The following HTT variants were observed in gnomAD, a reference collection of about 807,000 sequenced individuals.
HTT encodes the protein huntingtin, also known as huntington disease protein.
A neutral mutation model predicts 362.3 loss-of-function variants in HTT; 104 were observed. The ratio of observed to expected loss-of-function variants is 0.29; its 90% CI spans 0.24 to 0.34. The LOEUF is 0.34. Ranked by LOEUF, HTT falls within the 10% of genes least tolerant of loss-of-function variation. The pLI is 1.00. For synonymous variants in HTT, 1,577 were observed against 1,548.7 expected, an observed-to-expected ratio of 1.02 and a Z score of -0.43; for missense variants, 3,301 against 3,928.6, an observed-to-expected ratio of 0.84 and a Z score of 4.27.
intron 6 of HTT, among the ~76,000 whole-genome samples, chr4:3,111,686 G>A (rs1304883658): frequency 1.3e-5 from 2 of 152,098 alleles, no homozygotes; most frequent in Non-Finnish European, 2.9e-5. Flanking sequence ...TGCATCTCAC[G>A]TCTGTCCTCA....
chr4:3,101,052 T>C (rs1278077733), intron 3 of HTT, among the ~76,000 whole-genome samples: 3 of 152,206 alleles, frequency 2.0e-5, no homozygotes. Flanking sequence ...TTCTTGATAT[T>C]TGATCCTCAG....
intron 1 of HTT, among the ~76,000 whole-genome samples, chr4:3,076,718 A>G (rs1712573075): frequency 6.6e-6 from 1 of 152,202 alleles, no homozygotes; most frequent in African/African-American, 2.4e-5. Context: ...TGCTTCAGAC[A>G]CTTGATCATT....
chr4:3,187,829 T>G lies in HTT; in HGVS notation c.5168T>G (p.Leu1723Arg). Reference sequence around the variant, plus strand: ...AGAGATGGGGACAGTACTTCAACGCTAGAAGAACACAGTGAAGGGAAACAA... The same window carrying G: ...AGAGATGGGGACAGTACTTCAACGCGAGAAGAACACAGTGAAGGGAAACAA... ...RLRDGDSTST[L>R]EEHSEGKQIK... Residue 1723 changes from leucine (L) to arginine (R), a missense_variant, in exon 39 of 67, where the codon CTA becomes CGA. Leu to Arg is a moderately radical substitution (Grantham distance 102, BLOSUM62 -2). Coordinates refer to ENST00000355072, the MANE Select transcript of HTT (RefSeq NM_001388492.1). The G allele has an allele frequency of 6.2e-6, 10 of 1,613,418 alleles. No individual in the cohort carries two copies. Among genetic ancestry groups the G allele is most frequent in the Non-Finnish European group, 8.5e-6 (10 of 1,179,394 alleles).
intron 2 of HTT, among the ~76,000 whole-genome samples, chr4:3,091,040 A>C (rs762927749): frequency 6.6e-6 from 1 of 152,238 alleles, no homozygotes; most frequent in Non-Finnish European, 1.5e-5. Context: ...TGAACCCAGG[A>C]GGTACAGGTT....
chr4:3,197,026 C>T (rs570487429), intron 40 of HTT, among the ~76,000 whole-genome samples: 1 of 152,276 alleles, frequency 6.6e-6, no homozygotes, highest in Admixed American at 6.5e-5. Context: ...GCAGAGGCTG[C>T]CTGTGTTCTT....
intron 10 of HTT, among the ~76,000 whole-genome samples, chr4:3,124,982 C>G (rs1399236463): frequency 6.6e-6 from 1 of 152,124 alleles, no homozygotes; most frequent in Non-Finnish European, 1.5e-5. Flanking sequence ...TAATGTAATT[C>G]TGAAGATGAA....
At chr4:3,212,166 T>C (rs1304602703) in intron 48 of HTT, 24 bp downstream of exon 48, 2 of 1,565,336 alleles carry the variant, frequency 1.3e-6, no homozygotes, top group Non-Finnish European at 1.7e-6. Flanking sequence ...AAATTTATCT[T>C]ATTTTTAAAA....
chr4:3,204,064 G>A lies in HTT; in HGVS notation c.5634G>A (p.Glu1878=), dbSNP rs747514141. Residue 1878 remains glutamate, a synonymous_variant, in exon 42 of 67, where the codon GAG becomes GAA. Transcript: ENST00000355072. ...LLSPQMSGEE[E]DSDLAAKLGM... ...GTCCCCAGATGTCTGGAGAAGAGGAGGATTCTGACTTGGCAGCCAAACTTG... is the reference window on the plus strand; with the variant it reads ...GTCCCCAGATGTCTGGAGAAGAGGAAGATTCTGACTTGGCAGCCAAACTTG... The A allele has an allele frequency of 9.3e-6, 15 of 1,614,080 alleles. No homozygotes were observed. The highest frequency in any genetic ancestry group is 9.3e-6 in the Non-Finnish European group (11 of 1,179,906).
intron 52 of HTT, 22 bp downstream of exon 52, chr4:3,217,974 A>G: frequency 6.3e-7 from 1 of 1,584,978 alleles, no homozygotes; most frequent in Admixed American, 1.7e-5. Flanking sequence ...CGTTCCTTGC[A>G]GAAGACCAAG....
chr4:3,147,733 T>G (rs1716677240), intron 25 of HTT, among the ~76,000 whole-genome samples: 1 of 152,104 alleles, frequency 6.6e-6, no homozygotes, highest in African/African-American at 2.4e-5. Flanking sequence ...CCAGGCCTGG[T>G]TCACCAACTG....
At chr4:3,087,366 C>T (rs1242033571) in intron 2 of HTT, among the ~76,000 whole-genome samples, 2 of 152,344 alleles carry the variant, frequency 1.3e-5, no homozygotes, top group South Asian at 2.1e-4. Flanking sequence ...CAGCACAAGA[C>T]AGTTCAGTTT....
intron 33 of HTT, among the ~76,000 whole-genome samples, chr4:3,176,291 T>G (rs1718240591): frequency 6.6e-6 from 1 of 152,108 alleles, no homozygotes; most frequent in Non-Finnish European, 1.5e-5. Flanking sequence ...CCTCCCAAAG[T>G]GCTGGGATGA....
intron 2 of HTT, among the ~76,000 whole-genome samples, chr4:3,093,905 GTTTTTT>G (rs67455911): frequency 1.3e-4 from 3 of 23,898 alleles, no homozygotes; most frequent in African/African-American, 3.0e-4. Flanking sequence ...CTTTAAGTTG[GTTTTTT>G]TTTTTTTTTT....
chr4:3,103,472 C>T (rs1156428912), intron 3 of HTT, among the ~76,000 whole-genome samples: 5 of 151,844 alleles, frequency 3.3e-5, no homozygotes, highest in African/African-American at 1.2e-4. Context: ...GTGATCTGCC[C>T]GCCTTGGCCT....
rs1235063391 is a variant in HTT at position 3,223,447 on chromosome 4, G to A, written c.7512G>A (p.Gln2504=). 6.2e-7 allele frequency: 1 copy of A among 1,612,012 alleles called. No individual in the cohort carries two copies. The highest frequency in any genetic ancestry group is 1.7e-5 in the Admixed American group (1 of 59,560). ...CCCAGATCAACGTCCTGGCCGTGCA[G>A]GCCATCACCTCACTGGTGCTCAGTG... ...ERTQINVLAV[Q]AITSLVLSAM... Residue 2504 remains glutamine, a synonymous_variant, in exon 55 of 67, where the codon CAG becomes CAA. Transcript: ENST00000355072.
At chr4:3,078,793 G>C (rs986381932) in intron 1 of HTT, among the ~76,000 whole-genome samples, 20 of 149,270 alleles carry the variant, frequency 1.3e-4, no homozygotes, top group African/African-American at 4.7e-4. Context: ...GGAGTGCAGT[G>C]GCGCGATCTC....
chr4:3,211,778 G>A, intron 47 of HTT, 151 bp from the exon 48 acceptor site: 1 of 605,268 alleles, frequency 1.7e-6, no homozygotes, highest in South Asian at 2.1e-5. Flanking sequence ...GCATAGAGTA[G>A]AATTTTCTTA....
chr4:3,179,733 T>C (rs1410774983), intron 35 of HTT, among the ~76,000 whole-genome samples: 1 of 143,206 alleles, frequency 7.0e-6, no homozygotes, highest in Non-Finnish European at 1.5e-5. Flanking sequence ...CACTGAGGGG[T>C]CAGAGTGTGC....
chr4:3,234,242 A>C (rs1021429874), intron 61 of HTT, among the ~76,000 whole-genome samples: 3 of 152,224 alleles, frequency 2.0e-5, no homozygotes, highest in Non-Finnish European at 2.9e-5. Flanking sequence ...AGGATTTGGG[A>C]CATGCTGGAG....
Sources: allele counts gnomAD v4.1 joint callset (sites outside exome capture counted in the v4.1 genomes callset), GRCh38; gene constraint gnomAD v4.1.1; transcripts MANE v1.5; gene names NCBI Gene and HGNC (gene_info 2026-07-23, HGNC 2026-07-21).